KHDRBS2: variants seen among roughly 807,000 people sequenced by gnomAD.
KHDRBS2 encodes KH RNA binding domain containing, signal transduction associated 2.
Under a neutral mutation model 44.3 loss-of-function variants are expected in KHDRBS2, and 26 were observed. The ratio of observed to expected loss-of-function variants is 0.59; its 90% CI spans 0.43 to 0.81. KHDRBS2 has a LOEUF of 0.81. KHDRBS2 is among the 40% of genes least tolerant of loss of function. The probability of loss-of-function intolerance (pLI) is 0.00; values close to 1 mark genes in which losing one functional copy is unlikely to be tolerated. For synonymous variants in KHDRBS2, 194 were observed against 151.1 expected, an observed-to-expected ratio of 1.28 and a Z score of -2.08; for missense variants, 476 against 433.1, an observed-to-expected ratio of 1.10 and a Z score of -0.88.
intron 2 of KHDRBS2, among the ~76,000 whole-genome samples, chr6:62,169,988 C>A (rs2150118575): frequency 6.6e-6 from 1 of 151,774 alleles, no homozygotes; most frequent in Non-Finnish European, 1.5e-5. Flanking sequence ...TTCTTACAGT[C>A]TTAGAAAATA....
intron 6 of KHDRBS2, among the ~76,000 whole-genome samples, chr6:61,829,392 G>A (rs904775809): frequency 3.3e-5 from 5 of 152,126 alleles, no homozygotes; most frequent in African/African-American, 9.7e-5. Context: ...ACTAACTCCT[G>A]AACTCAGGGA....
At chr6:61,994,613 A>G (rs1776818171) in intron 3 of KHDRBS2, among the ~76,000 whole-genome samples, 1 of 152,174 alleles carries the variant, frequency 6.6e-6, no homozygotes, top group Admixed American at 6.6e-5. Flanking sequence ...CATTGTTTAT[A>G]CATAGAGAGA....
At chr6:61,969,092 C>A (rs1404526500) in intron 4 of KHDRBS2, among the ~76,000 whole-genome samples, 1 of 151,970 alleles carries the variant, frequency 6.6e-6, no homozygotes, top group Non-Finnish European at 1.5e-5. Flanking sequence ...GAGATAAAAG[C>A]TTTTACATAT....
At chr6:61,769,579 T>C (rs914822315) in intron 6 of KHDRBS2, among the ~76,000 whole-genome samples, 25 of 152,162 alleles carry the variant, frequency 1.6e-4, no homozygotes, top group African/African-American at 6.0e-4. Flanking sequence ...GTCTCGCTCA[T>C]TGCTAGCACA....
intron 2 of KHDRBS2, among the ~76,000 whole-genome samples, chr6:62,116,907 C>T (rs548546754): frequency 5.4e-4 from 82 of 152,212 alleles, no homozygotes; most frequent in Non-Finnish European, 9.3e-4. Flanking sequence ...ATATAATGAC[C>T]TCCAGTGATG....
At chr6:62,179,039 TTAAC>T (rs1355279181) in intron 1 of KHDRBS2, among the ~76,000 whole-genome samples, 4 of 151,650 alleles carry the variant, frequency 2.6e-5, no homozygotes, top group African/African-American at 7.2e-5. Flanking sequence ...TATTCTATCT[TTAAC>T]TAACATTTTT....
chr6:61,589,875 T>A, the KHDRBS2 span, among the ~76,000 whole-genome samples: 1 of 152,190 alleles, frequency 6.6e-6, no homozygotes, highest in African/African-American at 2.4e-5. Context: ...AGGGTTATAG[T>A]CAGTCCCGTT....
chr6:62,009,265 C>T (rs1369718416), intron 3 of KHDRBS2, among the ~76,000 whole-genome samples: 1 of 152,100 alleles, frequency 6.6e-6, no homozygotes, highest in East Asian at 1.9e-4. Context: ...TGCCCCTGCC[C>T]TAGAGATTTG....
chr6:61,605,113 C>T, the KHDRBS2 span, among the ~76,000 whole-genome samples: 29,583 of 152,052 alleles, frequency 0.19, 3,345 homozygotes, highest in South Asian at 0.33. Flanking sequence ...TGCCCTTCTG[C>T]GAATTCGGGC....
intron 1 of KHDRBS2, among the ~76,000 whole-genome samples, chr6:62,261,863 A>G (rs1838403311): frequency 6.6e-6 from 1 of 151,818 alleles, no homozygotes; most frequent in Non-Finnish European, 1.5e-5. Context: ...CACTTATGTA[A>G]CAATGAGATT....
chr6:62,128,224 A>G lies in KHDRBS2; in HGVS notation c.219+48961T>C, dbSNP rs1237858426. Among the ~76,000 whole-genome samples the G allele has an allele frequency of 3.3e-5, 5 of 152,064 alleles. No homozygotes were observed. In the East Asian group the frequency reaches 5.8e-4, roughly 18 times the overall value. On this transcript the variant is annotated intron_variant, in intron 2 of 8. Transcript: ENST00000281156. Reference sequence around the variant, plus strand: ...ATCTTTACTCTTCCCTTTACTCCCTATAGAATTATGGGCCTATGACTCTGG... The same window carrying G: ...ATCTTTACTCTTCCCTTTACTCCCTGTAGAATTATGGGCCTATGACTCTGG...
chr6:61,959,847 A>G (rs1768247217), intron 4 of KHDRBS2, among the ~76,000 whole-genome samples: 1 of 152,198 alleles, frequency 6.6e-6, no homozygotes, highest in African/African-American at 2.4e-5. Flanking sequence ...AAATATGCTT[A>G]AATGCTTCTG....
chr6:62,032,187 T>G (rs1308791795), intron 3 of KHDRBS2, among the ~76,000 whole-genome samples: 3 of 152,100 alleles, frequency 2.0e-5, no homozygotes, highest in Non-Finnish European at 2.9e-5. Flanking sequence ...TAAAAAGTAT[T>G]AATCTTCTAG....
chr6:61,653,055 C>T, the KHDRBS2 span, among the ~76,000 whole-genome samples: 23 of 151,952 alleles, frequency 1.5e-4, no homozygotes, highest in Non-Finnish European at 8.8e-5. Context: ...TGAGCTCATC[C>T]TTTTTAAAGG....
Position 61,817,070 on chromosome 6 carries a change from T to TA in KHDRBS2, c.810+77564dup, listed in dbSNP as rs944096584. ...ATTTGTGGATAATATTCAGGTTTTC[T>TA]AAAAAAACTTTCCACAAAGCAATCA... is the stretch of plus-strand genomic sequence containing the variant. On this transcript the variant is annotated intron_variant, in intron 6 of 8. Transcript: ENST00000281156. 18 of 406,276 alleles carry TA rather than the reference T, an allele frequency of 4.4e-5. No homozygotes were observed. The East Asian group carries it at 1.1e-3, about 25-fold the overall frequency. The allele number at this position is 406,276 out of a possible 1,614,324, so 25.2% of individuals were successfully genotyped here.
chr6:61,863,259 G>GT (rs61624926), intron 6 of KHDRBS2, among the ~76,000 whole-genome samples: 39,731 of 134,420 alleles, frequency 0.3, 6,055 homozygotes, highest in Non-Finnish European at 0.35. Flanking sequence ...TTTTGAAGGG[G>GT]TTTTTTTTTT....
intron 3 of KHDRBS2, among the ~76,000 whole-genome samples, chr6:61,986,582 A>G (rs545419288): frequency 2.0e-5 from 3 of 152,194 alleles, no homozygotes; most frequent in African/African-American, 2.4e-5. Context: ...AAACATCACT[A>G]TATTTCTTAG....
chr6:61,551,122 T>C, the KHDRBS2 span, among the ~76,000 whole-genome samples: 2 of 152,136 alleles, frequency 1.3e-5, no homozygotes, highest in East Asian at 3.9e-4. Flanking sequence ...TAATGGTTAG[T>C]GATAAGCACT....
intron 2 of KHDRBS2, among the ~76,000 whole-genome samples, chr6:62,133,096 G>A (rs771763252): frequency 2.6e-5 from 4 of 152,136 alleles, no homozygotes; most frequent in Non-Finnish European, 5.9e-5. Flanking sequence ...AAGGATGACT[G>A]TTATTAAAAA....
Sources: allele counts gnomAD v4.1 joint callset (sites outside exome capture counted in the v4.1 genomes callset), GRCh38; gene constraint gnomAD v4.1.1; transcripts MANE v1.5; gene names NCBI Gene and HGNC (gene_info 2026-07-23, HGNC 2026-07-21).